PREX1: variants seen among roughly 807,000 people sequenced by gnomAD.
PREX1 encodes the protein phosphatidylinositol-3,4,5-trisphosphate dependent Rac exchange factor 1.
PREX1 carries 41 observed loss-of-function variants against 198.3 expected under a neutral mutation model. The observed-to-expected ratio is 0.21, with a 90% CI of 0.16 to 0.27. The LOEUF (loss-of-function observed/expected upper bound fraction) is 0.27. Among genes scored for constraint, PREX1 ranks in the 10% least tolerant of loss-of-function variants. The pLI, the probability that PREX1 is intolerant of heterozygous loss-of-function variation, is 1.00. For synonymous variants in PREX1, 843 were observed against 887.2 expected, an observed-to-expected ratio of 0.95 and a Z score of 0.89; for missense variants, 1,620 against 2,200.7, an observed-to-expected ratio of 0.74 and a Z score of 5.28.
In PREX1 at chr20:48,666,261, G is replaced by C; in HGVS notation, c.1738+22C>G. The C allele has an allele frequency of 6.5e-7, 1 of 1,549,350 alleles. No individual in the cohort carries two copies. The highest frequency in any genetic ancestry group is 8.7e-7 in the Non-Finnish European group (1 of 1,145,888). The stretch of plus-strand genomic sequence containing the variant: ...CCAGGGAGCAAGGTCCCGGGGGCTG[G>C]GCTGCAGGTGGGGGTGGTTACCGTG... On this transcript the variant is annotated intron_variant, in intron 15 of 39. Coordinates refer to ENST00000371941, the MANE Select transcript of PREX1 (RefSeq NM_020820.4). This position sits in a 1 kb window ranked among gnomAD's most constrained non-coding sequence, Gnocchi z 4.3.
chr20:48,651,093 T>C (rs895281109), intron 22 of PREX1, 38 bp from the exon 23 acceptor site: 13 of 1,607,490 alleles, frequency 8.1e-6, no homozygotes, highest in Non-Finnish European at 1.1e-5. Flanking sequence ...ATTCCCTGTG[T>C]GCCGGGAAGA....
chr20:48,692,176 C>G (rs1009957313), intron 8 of PREX1: 1 of 154,158 alleles, frequency 6.5e-6, no homozygotes, highest in African/African-American at 2.4e-5. Flanking sequence ...AGGCATGAGC[C>G]ACCACACCCA....
chr20:48,642,756 A>G, intron 27 of PREX1: 1 of 357,624 alleles, frequency 2.8e-6, no homozygotes, highest in Non-Finnish European at 5.1e-6. Flanking sequence ...CAAATGAGGG[A>G]CTGAGGAACA....
At chr20:48,876,891 TG>T in the PREX1 span, among the ~76,000 whole-genome samples, 1 of 152,162 alleles carries the variant, frequency 6.6e-6, no homozygotes, top group South Asian at 2.1e-4. Context: ...AAGCATGTAG[TG>T]GGGCTCAGTC....
At position 48,652,153 on chromosome 20, in the gene PREX1, C is replaced by T. The variant is rs148198160; in HGVS notation, c.2467+433G>A. 2.4e-4 allele frequency among the ~76,000 whole-genome samples: 36 copies of T among 152,276 alleles called. 1 individual carries two copies. In the East Asian group the frequency reaches 4.6e-3, roughly 20 times the overall value. On this transcript the variant is annotated intron_variant, in intron 21 of 39. Transcript: ENST00000371941. The stretch of plus-strand genomic sequence containing the variant: ...GACATAACATCGTGGGCATCGCGGC[C>T]GTGCGCAGTGGTGCACACCTGTAAT...
At position 48,777,773 on chromosome 20, in the gene PREX1, C is replaced by T. The variant is rs867101961; in HGVS notation, c.220-29893G>A. 5.3e-5 allele frequency among the ~76,000 whole-genome samples: 8 copies of T among 152,302 alleles called. No homozygotes were observed. The South Asian group carries it at 8.3e-4, about 16-fold the overall frequency. Reference sequence around the variant, plus strand: ...AGTACTCTGTAGTGACAAAGACCTGCGGAGAGGCTGTGGATCAAGAACTAA... The same window carrying T: ...AGTACTCTGTAGTGACAAAGACCTGTGGAGAGGCTGTGGATCAAGAACTAA... On this transcript the variant is annotated intron_variant, in intron 1 of 39. Coordinates refer to ENST00000371941, the MANE Select transcript of PREX1 (RefSeq NM_020820.4).
chr20:48,772,123 G>A (rs1201298338), intron 1 of PREX1, among the ~76,000 whole-genome samples: 2 of 152,210 alleles, frequency 1.3e-5, no homozygotes, highest in African/African-American at 2.4e-5. Context: ...GAACCTGGGA[G>A]GCGGAGGTTG....
At chr20:48,735,607 C>T (rs2090053968) in intron 3 of PREX1, among the ~76,000 whole-genome samples, 1 of 150,808 alleles carries the variant, frequency 6.6e-6, no homozygotes, top group South Asian at 2.3e-4. Flanking sequence ...ATAGTACAGG[C>T]TGCCCAGCAT....
chr20:48,638,998 G>A (rs1263971486), intron 30 of PREX1, among the ~76,000 whole-genome samples: 1 of 152,250 alleles, frequency 6.6e-6, no homozygotes, highest in Non-Finnish European at 1.5e-5. Context: ...GCCATTCCCC[G>A]AGGGAACAGC....
Position 48,677,363 on chromosome 20 carries a change from A to T in PREX1, c.1590-1095T>A, listed in dbSNP as rs546176233. 2.1e-5 allele frequency among the ~76,000 whole-genome samples: 3 copies of T among 141,966 alleles called. No homozygotes were observed. The South Asian group carries it at 7.4e-4, about 35-fold the overall frequency. 93.1% of individuals were successfully genotyped at this position (141,966 alleles called of 152,430 possible). A position where few individuals can be genotyped will look rare whatever the true frequency, so the allele number is the denominator to read the frequency against. On this transcript the variant is annotated intron_variant, in intron 13 of 39. Transcript: ENST00000371941. ...TTCCTCTCCACTCTTCCGAGAGGTGATAAGAGCTATCAGGTCAGAGGACAG... is the reference window on the plus strand; with the variant it reads ...TTCCTCTCCACTCTTCCGAGAGGTGTTAAGAGCTATCAGGTCAGAGGACAG...
chr20:48,695,898 G>C (rs1292985848), intron 7 of PREX1, among the ~76,000 whole-genome samples: 1 of 152,214 alleles, frequency 6.6e-6, no homozygotes. Flanking sequence ...AGCTAAGACT[G>C]TATACAAACA....
intron 1 of PREX1, among the ~76,000 whole-genome samples, chr20:48,774,343 G>A (rs573010686): frequency 1.3e-5 from 2 of 152,354 alleles, no homozygotes; most frequent in Admixed American, 6.5e-5. Flanking sequence ...GGGGACACAC[G>A]AGGGAGGGGT....
chr20:48,846,877 C>G, the PREX1 span, among the ~76,000 whole-genome samples: 3 of 152,310 alleles, frequency 2.0e-5, no homozygotes, highest in Non-Finnish European at 2.9e-5. Flanking sequence ...GTGCCTCACT[C>G]TAGGCGAAGA....
chr20:48,869,553 T>A, the PREX1 span, among the ~76,000 whole-genome samples: 6 of 152,252 alleles, frequency 3.9e-5, no homozygotes, highest in East Asian at 1.2e-3. Context: ...GTATTGATAG[T>A]GCTGAGCACT....
chr20:48,723,984 C>G (rs2089998646), intron 5 of PREX1, among the ~76,000 whole-genome samples: 1 of 152,158 alleles, frequency 6.6e-6, no homozygotes, highest in Non-Finnish European at 1.5e-5. Context: ...GCTGGTTCTT[C>G]TTATGGGTCA....
chr20:48,627,471 A>G, intron 39 of PREX1, 77 bp downstream of exon 39: 1 of 1,504,268 alleles, frequency 6.6e-7, no homozygotes. Context: ...GGGTTAGGCC[A>G]GGAGCATGAT....
At chr20:48,715,584 G>T (rs1346475617) in intron 5 of PREX1, among the ~76,000 whole-genome samples, 1 of 152,180 alleles carries the variant, frequency 6.6e-6, no homozygotes, top group Non-Finnish European at 1.5e-5. Flanking sequence ...CATCTGTGAA[G>T]GAGGCTAAGA....
At chr20:48,821,460 C>A (rs920455732) in intron 1 of PREX1, among the ~76,000 whole-genome samples, 1 of 152,194 alleles carries the variant, frequency 6.6e-6, no homozygotes, top group African/African-American at 2.4e-5. Flanking sequence ...TCCGACCTGG[C>A]CCCATGTCTG....
At chr20:48,710,586 T>G (rs1377552698) in intron 5 of PREX1, among the ~76,000 whole-genome samples, 1 of 152,214 alleles carries the variant, frequency 6.6e-6, no homozygotes, top group East Asian at 1.9e-4. Flanking sequence ...GCCCACCCAG[T>G]CTGACTCCAG....
Sources: allele counts gnomAD v4.1 joint callset (sites outside exome capture counted in the v4.1 genomes callset), GRCh38; gene constraint gnomAD v4.1.1; non-coding constraint Gnocchi (gnomAD v3.1); transcripts MANE v1.5; gene names NCBI Gene and HGNC (gene_info 2026-07-23, HGNC 2026-07-21).